The following OPCML variants were observed in gnomAD, a reference collection of about 807,000 sequenced individuals.
The protein encoded by OPCML is opioid binding protein/cell adhesion molecule like.
Under a neutral mutation model 37.8 loss-of-function variants are expected in OPCML, and 13 were observed. The observed-to-expected ratio is 0.34, with a 90% CI of 0.22 to 0.55. OPCML has a LOEUF of 0.55. OPCML is among the 20% of genes least tolerant of loss of function. OPCML has a pLI of 0.91. For missense variants in OPCML, 341 were observed against 435.6 expected (o/e 0.78, Z 1.93); for synonymous variants, 176 against 168.8 (o/e 1.04, Z -0.33).
intron 1 of OPCML, among the ~76,000 whole-genome samples, chr11:133,395,691 T>G (rs186102645): frequency 6.6e-6 from 1 of 152,296 alleles, no homozygotes; most frequent in East Asian, 1.9e-4. Flanking sequence ...ATGAGTTCAT[T>G]GTAGGTAGAT....
intron 1 of OPCML, among the ~76,000 whole-genome samples, chr11:133,294,795 T>TTTTTCTTTC (rs1410082638): frequency 6.8e-6 from 1 of 147,348 alleles, no homozygotes; most frequent in East Asian, 2.0e-4. Context: ...TTCTTTTTTT[T>TTTTTCTTTC]TTTCTTTCTT....
chr11:132,572,357 C>A (rs1420746860), intron 3 of OPCML, among the ~76,000 whole-genome samples: 2 of 151,924 alleles, frequency 1.3e-5, no homozygotes, highest in Non-Finnish European at 2.9e-5. Flanking sequence ...TTTCCCATGT[C>A]TTTTTTTCTA....
chr11:132,952,817 G>A (rs533048752), intron 1 of OPCML, among the ~76,000 whole-genome samples: 1 of 152,268 alleles, frequency 6.6e-6, no homozygotes, highest in East Asian at 1.9e-4. Flanking sequence ...CCAGAGCCTG[G>A]CACGATGGCA....
intron 2 of OPCML, among the ~76,000 whole-genome samples, chr11:132,900,994 A>G (rs1180244793): frequency 6.6e-6 from 1 of 152,076 alleles, no homozygotes; most frequent in Non-Finnish European, 1.5e-5. Context: ...CCTGGCCAAC[A>G]TATAGTGAAA....
chr11:133,379,105 TTG>T lies in OPCML; in HGVS notation c.61+153157_61+153158del, dbSNP rs550575211. ...GCCTTGTATTTCACCATTTAAGTCTTTGAAAAGGGTAGAACCAAAAGCAGAGA... is the reference window on the plus strand; with the variant it reads ...GCCTTGTATTTCACCATTTAAGTCTTAAAAGGGTAGAACCAAAAGCAGAGA... On this transcript the variant is annotated intron_variant, in intron 1 of 7. Transcript: ENST00000524381. Among the ~76,000 whole-genome samples the T allele has an allele frequency of 3.1e-3, 477 of 152,244 alleles. 2 individuals carry two copies. Among genetic ancestry groups the T allele is most frequent in the Non-Finnish European group, 3.5e-3 (237 of 68,022 alleles).
intron 4 of OPCML, among the ~76,000 whole-genome samples, chr11:132,438,886 C>T (rs868769616): frequency 2.0e-5 from 3 of 152,102 alleles, no homozygotes; most frequent in Non-Finnish European, 4.4e-5. Context: ...CCCATTTCCC[C>T]AGACCATGTG....
At chr11:133,232,980 C>T (rs570467074) in intron 1 of OPCML, among the ~76,000 whole-genome samples, 25 of 152,298 alleles carry the variant, frequency 1.6e-4, no homozygotes, top group African/African-American at 6.0e-4. Context: ...AGCTAAATAA[C>T]ACCTGCTTCC....
intron 2 of OPCML, among the ~76,000 whole-genome samples, chr11:132,666,086 C>T (rs1040231202): frequency 2.0e-5 from 3 of 152,274 alleles, no homozygotes; most frequent in African/African-American, 7.2e-5. Flanking sequence ...TACACAAAGT[C>T]ACAGAACACT....
chr11:132,854,463 G>T lies in OPCML; in HGVS notation c.146+88463C>A, dbSNP rs1941965820. Among the ~76,000 whole-genome samples, 6 of 152,168 alleles carry T rather than the reference G, an allele frequency of 3.9e-5. No individual in the cohort carries two copies. The South Asian group carries it at 1.0e-3, about 26-fold the overall frequency. On this transcript the variant is annotated intron_variant, in intron 2 of 7. Transcript: ENST00000524381. ...TCCCTCCAGGTTGGAGGTTGGGAGTGAAAGTTCCAAGGCTCTAATCACAAA... is the reference window on the plus strand; with the variant it reads ...TCCCTCCAGGTTGGAGGTTGGGAGTTAAAGTTCCAAGGCTCTAATCACAAA...
chr11:133,180,852 A>AG (rs111770001), intron 1 of OPCML, among the ~76,000 whole-genome samples: 7 of 151,832 alleles, frequency 4.6e-5, no homozygotes, highest in African/African-American at 1.2e-4. Flanking sequence ...AAAAAAAAAA[A>AG]AAAGTGGGGA....
chr11:133,532,453 GAAGA>G lies in OPCML; in HGVS notation c.-133_-130del, dbSNP rs1948625498. The G allele has an allele frequency of 8.7e-7, 1 of 1,145,872 alleles. No homozygotes were observed. The highest frequency in any genetic ancestry group is 2.6e-5 in the East Asian group (1 of 38,624). 71.0% of individuals were successfully genotyped at this position (1,145,872 alleles called of 1,614,324 possible). On this transcript the variant is annotated 5_prime_UTR_variant, in exon 1 of 8. Transcript: ENST00000524381. ...TGTTTGCAAAGGGAGGGAGAGAGCA[GAAGA>G]GAGAGAGAGCGCGCGAGAGATGGGA... is the stretch of plus-strand genomic sequence containing the variant.
rs930819348 is a variant in OPCML at position 133,093,386 on chromosome 11, G to T, written c.62-150376C>A. The stretch of plus-strand genomic sequence containing the variant: ...TATACATGTGCCGTGGTGGTTTGCT[G>T]CACCTATCAATCCATCATCTAGGTT... On this transcript the variant is annotated intron_variant, in intron 1 of 7. Transcript: ENST00000524381. 3.3e-5 allele frequency among the ~76,000 whole-genome samples: 5 copies of T among 151,972 alleles called. No individual in the cohort carries two copies. The East Asian group carries it at 9.6e-4, about 29-fold the overall frequency.
rs150915362 is a variant in OPCML, at chr11:133,311,089, T to C, written c.61+221175A>G. 1.3e-3 allele frequency among the ~76,000 whole-genome samples: 200 copies of C among 152,316 alleles called. 1 individual carries two copies. The Middle Eastern group carries it at 0.031, about 23-fold the overall frequency. On this transcript the variant is annotated intron_variant, in intron 1 of 7. Transcript: ENST00000524381. ...TTATGTGTGTCATTTAGTAGGATAT[T>C]GTACTCAGAATCCTGTTTCATCACT...
chr11:133,160,821 T>C (rs920781490), intron 1 of OPCML, among the ~76,000 whole-genome samples: 2 of 152,214 alleles, frequency 1.3e-5, no homozygotes, highest in African/African-American at 4.8e-5. Context: ...GACATTGCAT[T>C]CATCCTGGAG....
chr11:132,648,510 C>T (rs1038326657), intron 3 of OPCML, among the ~76,000 whole-genome samples: 2 of 150,988 alleles, frequency 1.3e-5, no homozygotes, highest in African/African-American at 2.4e-5. Context: ...GGCCCTGACA[C>T]TTCTCTCTGT....
At chr11:133,438,247 G>A (rs976489677) in intron 1 of OPCML, among the ~76,000 whole-genome samples, 1 of 151,976 alleles carries the variant, frequency 6.6e-6, no homozygotes, top group Non-Finnish European at 1.5e-5. Flanking sequence ...TATAGCTGTC[G>A]ACAGAATTGT....
chr11:133,174,699 C>T lies in OPCML; in HGVS notation c.62-231689G>A, dbSNP rs1950341876. ...ACACCTGAGTGAAGTGTGTGTATTT[C>T]TTGTCTCCTGAAAAATAAATTTATG... is the stretch of plus-strand genomic sequence containing the variant. On this transcript the variant is annotated intron_variant, in intron 1 of 7. Coordinates refer to ENST00000524381, the MANE Select transcript of OPCML (RefSeq NM_001012393.5). This position sits in a 1 kb window ranked among gnomAD's most constrained non-coding sequence, Gnocchi z 4.6. 6.8e-6 allele frequency among the ~76,000 whole-genome samples: 1 copy of T among 147,348 alleles called. No individual in the cohort carries two copies.
intron 1 of OPCML, among the ~76,000 whole-genome samples, chr11:133,270,427 C>G (rs1941795020): frequency 6.6e-6 from 1 of 152,142 alleles, no homozygotes; most frequent in South Asian, 2.1e-4. Flanking sequence ...AATGATCCCT[C>G]TGGTCTCCTC....
chr11:133,525,810 G>C (rs778136561), intron 1 of OPCML, among the ~76,000 whole-genome samples: 4 of 152,176 alleles, frequency 2.6e-5, no homozygotes, highest in Admixed American at 2.0e-4. Context: ...TGTGCAATCT[G>C]ATTGTCACTT....
Sources: allele counts gnomAD v4.1 joint callset (sites outside exome capture counted in the v4.1 genomes callset), GRCh38; gene constraint gnomAD v4.1.1; non-coding constraint Gnocchi (gnomAD v3.1); transcripts MANE v1.5; gene names NCBI Gene and HGNC (gene_info 2026-07-23, HGNC 2026-07-21).